Variants in TBC1D22A observed in about 807,000 individuals in gnomAD.
The protein encoded by TBC1D22A is putative GTPase activator.
Under a neutral mutation model 60.2 loss-of-function variants are expected in TBC1D22A, and 38 were observed. The observed-to-expected ratio is 0.63, with a 90% confidence interval of 0.49 to 0.83. The LOEUF (loss-of-function observed/expected upper bound fraction) is 0.83. Among genes scored for constraint, TBC1D22A ranks in the 40% least tolerant of loss-of-function variants. TBC1D22A has a pLI of 0.00. For missense variants in TBC1D22A, 628 were observed against 701.0 expected (o/e 0.90, Z 1.18); for synonymous variants, 302 against 281.7 (o/e 1.07, Z -0.72).
chr22:47,074,780 C>G lies in TBC1D22A; in HGVS notation c.1330-36728C>G, dbSNP rs530147707. Among the ~76,000 whole-genome samples, 31 of 152,340 alleles carry G rather than the reference C, an allele frequency of 2.0e-4. No individual in the cohort carries two copies. The South Asian group carries it at 6.0e-3, about 30-fold the overall frequency. ...CCTGCCCAGTCCTCTTCACTGGCACCTCCATTGGCCAACAGATCAAGTCTG... is the reference window on the plus strand; with the variant it reads ...CCTGCCCAGTCCTCTTCACTGGCACGTCCATTGGCCAACAGATCAAGTCTG... On this transcript the variant is annotated intron_variant, in intron 11 of 12. Coordinates refer to ENST00000337137, the MANE Select transcript of TBC1D22A (RefSeq NM_014346.5).
intron 11 of TBC1D22A, among the ~76,000 whole-genome samples, chr22:47,100,566 G>C (rs1234969481): frequency 6.6e-6 from 1 of 152,158 alleles, no homozygotes; most frequent in Non-Finnish European, 1.5e-5. Context: ...CTGTTCTCAT[G>C]ATGGTGAATA....
At chr22:46,962,775 C>T (rs2073579886) in intron 8 of TBC1D22A, among the ~76,000 whole-genome samples, 1 of 152,188 alleles carries the variant, frequency 6.6e-6, no homozygotes, top group Non-Finnish European at 1.5e-5. Context: ...AACAGCTGAA[C>T]AAAACCTATG....
rs926210153 is a variant in TBC1D22A at position 47,012,372 on chromosome 22, G to A, written c.1201+14663G>A. Among the ~76,000 whole-genome samples the A allele has an allele frequency of 2.0e-5, 3 of 152,120 alleles. No homozygotes were observed. The East Asian group carries it at 5.8e-4, about 29-fold the overall frequency. On this transcript the variant is annotated intron_variant, in intron 10 of 12. Transcript: ENST00000337137. ...TAAAACCCAGACTAGCCCAGCACTG[G>A]TGCGTTCTTCTCTGTCCCCGTCCTG...
chr22:46,770,282 C>T (rs545487836), intron 1 of TBC1D22A, among the ~76,000 whole-genome samples: 4 of 152,320 alleles, frequency 2.6e-5, no homozygotes, highest in Admixed American at 2.0e-4. Flanking sequence ...CTTGCTCCTG[C>T]ATCCGCCAGG....
At chr22:46,886,994 C>T (rs1465149215) in intron 5 of TBC1D22A, among the ~76,000 whole-genome samples, 2 of 152,166 alleles carry the variant, frequency 1.3e-5, no homozygotes, top group Admixed American at 6.5e-5. Context: ...AGGGAAAGGA[C>T]CAATCATAAA....
At chr22:47,159,738 TTCA>T (rs1314590694) in intron 12 of TBC1D22A, among the ~76,000 whole-genome samples, 12 of 149,828 alleles carry the variant, frequency 8.0e-5, no homozygotes, top group South Asian at 6.4e-4. Flanking sequence ...CTGCACACCA[TTCA>T]TCATGTATAC....
intron 7 of TBC1D22A, among the ~76,000 whole-genome samples, chr22:46,904,608 A>G (rs991721708): frequency 5.3e-5 from 8 of 151,696 alleles, no homozygotes; most frequent in East Asian, 1.9e-4. Flanking sequence ...AGCTGGGATT[A>G]CAGGCGCCCG....
At chr22:46,874,721 A>AAC (rs2067465307) in intron 4 of TBC1D22A, among the ~76,000 whole-genome samples, 1 of 151,580 alleles carries the variant, frequency 6.6e-6, no homozygotes, top group Admixed American at 6.6e-5. Flanking sequence ...TTACAGGTGC[A>AAC]TGCCACCACG....
Position 46,783,680 on chromosome 22 carries a change from A to G in TBC1D22A, c.63-8840A>G, listed in dbSNP as rs148359191. On this transcript the variant is annotated intron_variant, in intron 1 of 12. Transcript: ENST00000337137. Reference sequence around the variant, plus strand: ...TTTTTTAAAGGATGCCACACTGTCAACTTGCTCTCCTCTTCAGTGTTCTGT... The same window carrying G: ...TTTTTTAAAGGATGCCACACTGTCAGCTTGCTCTCCTCTTCAGTGTTCTGT... 1.5e-3 allele frequency among the ~76,000 whole-genome samples: 230 copies of G among 152,270 alleles called. 1 individual carries two copies. Among genetic ancestry groups the G allele is most frequent in the South Asian group, 0.011 (54 of 4,828 alleles).
chr22:46,976,713 T>C (rs2074311699), intron 9 of TBC1D22A, among the ~76,000 whole-genome samples: 3 of 152,218 alleles, frequency 2.0e-5, no homozygotes, highest in Admixed American at 1.3e-4. Context: ...ATCGCCCTGA[T>C]TGAAACCCTT....
At chr22:47,159,815 A>C (rs2067898936) in intron 12 of TBC1D22A, among the ~76,000 whole-genome samples, 1 of 151,748 alleles carries the variant, frequency 6.6e-6, no homozygotes, top group Non-Finnish European at 1.5e-5. Context: ...CACCCACAGC[A>C]CACAACCCCC....
chr22:46,923,038 A>G (rs2070846449), intron 8 of TBC1D22A, among the ~76,000 whole-genome samples: 1 of 152,154 alleles, frequency 6.6e-6, no homozygotes, highest in Non-Finnish European at 1.5e-5. Flanking sequence ...TTGTCCATTC[A>G]GTGTGCTGTT....
At chr22:47,004,335 A>G (rs762782283) in intron 10 of TBC1D22A, among the ~76,000 whole-genome samples, 1 of 146,522 alleles carries the variant, frequency 6.8e-6, no homozygotes, top group Non-Finnish European at 1.5e-5. Flanking sequence ...CCCTATATAC[A>G]TGCGTCTGCC....
intron 11 of TBC1D22A, among the ~76,000 whole-genome samples, chr22:47,043,185 C>A (rs901289781): frequency 6.6e-6 from 1 of 152,196 alleles, no homozygotes; most frequent in Non-Finnish European, 1.5e-5. Context: ...TGGGAGGCCA[C>A]AAGAGCCGGC....
chr22:46,762,785 C>T lies in TBC1D22A; in HGVS notation c.-2C>T. ...CGCGGGTCTGAGGGATGAGGAGGGG[C>T]CATGGCCAGCGACGGGGCCAGGAAG... On this transcript the variant is annotated 5_prime_UTR_variant, in exon 1 of 13. Coordinates refer to ENST00000337137, the MANE Select transcript of TBC1D22A (RefSeq NM_014346.5). 2 of 1,447,170 alleles carry T rather than the reference C, an allele frequency of 1.4e-6. No homozygotes were observed. Among genetic ancestry groups the T allele is most frequent in the Non-Finnish European group, 1.8e-6 (2 of 1,107,654 alleles). The allele number at this position is 1,447,170 out of a possible 1,614,324, so 89.6% of individuals were successfully genotyped here.
intron 11 of TBC1D22A, among the ~76,000 whole-genome samples, chr22:47,105,109 C>T (rs899952126): frequency 6.6e-6 from 1 of 151,924 alleles, no homozygotes; most frequent in African/African-American, 2.4e-5. Flanking sequence ...CAGAATAAAT[C>T]TCTTTAAATA....
At chr22:47,068,786 G>A (rs2063862735) in intron 11 of TBC1D22A, among the ~76,000 whole-genome samples, 1 of 152,196 alleles carries the variant, frequency 6.6e-6, no homozygotes, top group South Asian at 2.1e-4. Context: ...TGAGGCCAGG[G>A]TGCAGATTGT....
chr22:47,006,097 G>C (rs1232574808), intron 10 of TBC1D22A, among the ~76,000 whole-genome samples: 1 of 152,126 alleles, frequency 6.6e-6, no homozygotes, highest in African/African-American at 2.4e-5. Flanking sequence ...AATCTCATTG[G>C]CATGGTCACT....
chr22:46,948,882 G>A (rs369440750), intron 8 of TBC1D22A, among the ~76,000 whole-genome samples: 3 of 152,162 alleles, frequency 2.0e-5, no homozygotes, highest in South Asian at 2.1e-4. Flanking sequence ...GGAGAGGCCC[G>A]TCACACACAT....
Sources: gnomAD v4.1 joint callset for allele counts (sites outside exome capture counted in the v4.1 genomes callset) on GRCh38, gnomAD v4.1.1 for gene constraint, MANE v1.5 for transcripts, NCBI Gene and HGNC (gene_info 2026-07-23, HGNC 2026-07-21) for gene names.